DMP1: variants seen among roughly 807,000 people sequenced by gnomAD.
DMP1 encodes dentin matrix acidic phosphoprotein 1.
A neutral mutation model predicts 14.6 loss-of-function variants in DMP1; 20 were observed. The observed-to-expected ratio is 1.37, with a 90% CI of 0.96 to 1.99. The LOEUF (loss-of-function observed/expected upper bound fraction) is 1.99, where lower values mean the gene tolerates loss of function less well. Among genes scored for constraint, DMP1 ranks in the 30% most tolerant of loss-of-function variants. The probability of loss-of-function intolerance (pLI) is 0.00; values close to 1 mark genes in which losing one functional copy is unlikely to be tolerated. For missense variants in DMP1, 567 were observed against 620.5 expected (o/e 0.91, Z 0.92); for synonymous variants, 197 against 215.3 (o/e 0.91, Z 0.75).
chr4:87,650,813 G>T (rs987835334), intron 1 of DMP1, among the ~76,000 whole-genome samples: 2 of 151,886 alleles, frequency 1.3e-5, no homozygotes, highest in Admixed American at 6.6e-5. Flanking sequence ...ACTTTAAAAA[G>T]AATTTTTTTT....
chr4:87,652,980 A>T (rs1391349865), intron 1 of DMP1, among the ~76,000 whole-genome samples: 8 of 152,190 alleles, frequency 5.3e-5, no homozygotes, highest in Admixed American at 2.6e-4. Flanking sequence ...CACATTTTTT[A>T]AAAAGTTTTG....
Position 87,662,212 on chromosome 4 carries a change from A to C in DMP1, c.434A>C (p.Gln145Pro). ...GSDEDSDDTI[Q>P]ASEESAPQGQ... ...GATGAGGACTCTGATGACACCATACAAGCCAGTGAAGAGAGTGCCCCACAA... is the reference window on the plus strand; with the variant it reads ...GATGAGGACTCTGATGACACCATACCAGCCAGTGAAGAGAGTGCCCCACAA... Residue 145 changes from glutamine (Q) to proline (P), a missense_variant, in exon 6 of 6, where the codon CAA becomes CCA. Gln to Pro is a moderately conservative substitution (Grantham distance 76). Transcript: ENST00000339673. The C allele has an allele frequency of 6.2e-7, 1 of 1,614,222 alleles. No homozygotes were observed. Among genetic ancestry groups the C allele is most frequent in the Non-Finnish European group, 8.5e-7 (1 of 1,180,036 alleles).
chr4:87,660,990 T>C (rs1372872381), intron 5 of DMP1, among the ~76,000 whole-genome samples: 1 of 152,228 alleles, frequency 6.6e-6, no homozygotes, highest in Admixed American at 6.5e-5. Context: ...TGCATGAGCA[T>C]TATAAACCAA....
chr4:87,658,954 C>CA, intron 3 of DMP1: 1 of 508,668 alleles, frequency 2.0e-6, no homozygotes, highest in Non-Finnish European at 3.5e-6. Flanking sequence ...CGGCCAGGTT[C>CA]AAAAAAGCAT....
At position 87,662,192 on chromosome 4, in the gene DMP1, G is replaced by A; in HGVS notation, c.414G>A (p.Glu138=). The change falls in exon 6 of 6, where the codon GAG becomes GAA. Residue 138 remains glutamate (E), a synonymous_variant. Coordinates refer to ENST00000339673, the MANE Select transcript of DMP1 (RefSeq NM_004407.4). ...EGGNSRLGSD[E]DSDDTIQASE... is the part of the protein sequence containing the mutation. ...GAAACTCCAGACTGGGAAGTGATGA[G>A]GACTCTGATGACACCATACAAGCCA... 6.2e-7 allele frequency: 1 copy of A among 1,614,210 alleles called. No homozygotes were observed. Among genetic ancestry groups the A allele is most frequent in the South Asian group, 1.1e-5 (1 of 91,084 alleles).
chr4:87,660,445 C>T (rs1207798187), intron 5 of DMP1, among the ~76,000 whole-genome samples: 1 of 152,088 alleles, frequency 6.6e-6, no homozygotes, highest in Admixed American at 6.6e-5. Context: ...TCAGTTCCAC[C>T]ATACTAGCAT....
In DMP1 at chr4:87,663,222, A is replaced by G. The variant is rs1469544245; in HGVS notation, c.1444A>G (p.Lys482Glu). The change falls in exon 6 of 6, where the codon AAA becomes GAA. Residue 482 changes from lysine to glutamate, a missense_variant. Transcript: ENST00000339673. ...AAGCAGTGAGGAAGATGGCCAGTTG[A>G]AAAACATTGAGATAGAGAGCCGGAA... ...KSSSEEDGQLKNIEIESRKLT... is the reference protein window; with the variant it reads ...KSSSEEDGQLENIEIESRKLT... The G allele has an allele frequency of 6.2e-7, 1 of 1,614,122 alleles. No homozygotes were observed. The highest frequency in any genetic ancestry group is 1.3e-5 in the African/African-American group (1 of 74,934).
chr4:87,656,620 C>T lies in DMP1; in HGVS notation c.54+74C>T, dbSNP rs1377261610. The T allele has an allele frequency of 4.1e-6, 4 of 964,218 alleles. No homozygotes were observed. The East Asian group carries it at 7.1e-5, about 17-fold the overall frequency. 59.7% of individuals were successfully genotyped at this position (964,218 alleles called of 1,614,324 possible). A position where few individuals can be genotyped will look rare whatever the true frequency, so the allele number is the denominator to read the frequency against. The stretch of plus-strand genomic sequence containing the variant: ...CTCCACAATTTTGATTGGCTATGAA[C>T]CAAGATGGCTGTGTATGTTCCAGTC... On this transcript the variant is annotated intron_variant, in intron 2 of 5. Coordinates refer to ENST00000339673, the MANE Select transcript of DMP1 (RefSeq NM_004407.4).
rs780110476 is a variant in DMP1 at position 87,662,180 on chromosome 4, G to A, written c.402G>A (p.Leu134=). The A allele has an allele frequency of 1.2e-6, 2 of 1,614,102 alleles. No homozygotes were observed. Among genetic ancestry groups the A allele is most frequent in the African/African-American group, 1.3e-5 (1 of 74,932 alleles). Residue 134 remains leucine (L), a synonymous_variant, in exon 6 of 6, where the codon CTG becomes CTA. Coordinates refer to ENST00000339673, the MANE Select transcript of DMP1 (RefSeq NM_004407.4). ...KDRQEGGNSR[L]GSDEDSDDTI... is the part of the protein sequence containing the mutation. The stretch of plus-strand genomic sequence containing the variant: ...GACAAGAAGGAGGAAACTCCAGACT[G>A]GGAAGTGATGAGGACTCTGATGACA...
At position 87,656,520 on chromosome 4, in the gene DMP1, CT is replaced by C. The variant is rs1196038325; in HGVS notation, c.31del (p.Trp11GlyfsTer9). The C allele has an allele frequency of 1.2e-6, 2 of 1,610,608 alleles. No homozygotes were observed. Among genetic ancestry groups the C allele is most frequent in the Non-Finnish European group, 1.7e-6 (2 of 1,176,898 alleles). ...GAAGATCAGCATCCTGCTCATGTTCCTTTGGGGATTATCCTGTGCTCTCCCA... is the reference window on the plus strand; with the variant it reads ...GAAGATCAGCATCCTGCTCATGTTCCTTGGGGATTATCCTGTGCTCTCCCA... MKISILLMF[L>X]WGLSCALPVT... On this transcript the variant is annotated frameshift_variant, in exon 2 of 6. Coordinates refer to ENST00000339673, the MANE Select transcript of DMP1 (RefSeq NM_004407.4). LOFTEE classifies it high-confidence loss of function.
chr4:87,662,927 C>T lies in DMP1; in HGVS notation c.1149C>T (p.Ser383=). Reference sequence around the variant, plus strand: ...TAGAAGACCAGGAAGACAGTGACTCCAGCGAGGAGGACAGCTCGCACACAC... The same window carrying T: ...TAGAAGACCAGGAAGACAGTGACTCTAGCGAGGAGGACAGCTCGCACACAC... ...SYVEDQEDSD[S]SEEDSSHTLS... Residue 383 remains serine, a synonymous_variant, in exon 6 of 6, where the codon TCC becomes TCT. Coordinates refer to ENST00000339673, the MANE Select transcript of DMP1 (RefSeq NM_004407.4). The T allele has an allele frequency of 6.2e-7, 1 of 1,614,098 alleles. No individual in the cohort carries two copies. The highest frequency in any genetic ancestry group is 8.5e-7 in the Non-Finnish European group (1 of 1,180,010).
intron 3 of DMP1, chr4:87,658,733 A>G (rs1728770952): frequency 1.1e-5 from 2 of 174,826 alleles, no homozygotes; most frequent in South Asian, 2.5e-4. Flanking sequence ...AGACACGTGA[A>G]GTGAATTGCC....
chr4:87,654,514 G>A (rs1578151079), intron 1 of DMP1, among the ~76,000 whole-genome samples: 1 of 152,296 alleles, frequency 6.6e-6, no homozygotes, highest in African/African-American at 2.4e-5. Flanking sequence ...TGCCAAAATT[G>A]AGGATGCACC....
chr4:87,663,040 C>T lies in DMP1; in HGVS notation c.1262C>T (p.Ser421Phe). 1.9e-6 allele frequency: 3 copies of T among 1,614,152 alleles called. No homozygotes were observed. The highest frequency in any genetic ancestry group is 2.5e-6 in the Non-Finnish European group (3 of 1,180,016). The change falls in exon 6 of 6, where the codon TCC becomes TTC. Residue 421 changes from serine (S) to phenylalanine (F), a missense_variant. Coordinates refer to ENST00000339673, the MANE Select transcript of DMP1 (RefSeq NM_004407.4). ...AACTTCTCAGAGGAAAGCCCGGAGT[C>T]CCCTGAGGATGAGAACAGCTCCAGC... ...SLNFSEESPE[S>F]PEDENSSSQE...
At chr4:87,653,168 CAA>C (rs1020160451) in intron 1 of DMP1, among the ~76,000 whole-genome samples, 1 of 151,352 alleles carries the variant, frequency 6.6e-6, no homozygotes. Flanking sequence ...GAAAGTAGCA[CAA>C]ATTAAGAATA....
In DMP1 at chr4:87,662,997, G is replaced by T; in HGVS notation, c.1219G>T (p.Glu407Ter). 1 of 1,614,158 alleles carries T rather than the reference G, an allele frequency of 6.2e-7. No individual in the cohort carries two copies. The highest frequency in any genetic ancestry group is 8.5e-7 in the Non-Finnish European group (1 of 1,180,030). ...SESREEQADSESSESLNFSEE... is the reference protein window; with the variant it reads ...SESREEQADS ...ATCCAGAGAGGAGCAAGCAGACAGC[G>T]AATCCAGTGAGAGCCTCAACTTCTC... Residue 407 changes from glutamate to a stop codon, truncating the protein, a stop_gained, in exon 6 of 6, where the codon GAA becomes TAA. Transcript: ENST00000339673. LOFTEE classifies it low-confidence loss of function (END_TRUNC).
At chr4:87,657,664 A>G (rs1020754014) in intron 3 of DMP1, among the ~76,000 whole-genome samples, 2 of 152,228 alleles carry the variant, frequency 1.3e-5, no homozygotes, top group African/African-American at 4.8e-5. Flanking sequence ...CGTCTAGGTT[A>G]CATGGTCAAT....
intron 5 of DMP1, chr4:87,660,831 A>G (rs1003126609): frequency 1.3e-5 from 2 of 152,178 alleles, no homozygotes; most frequent in African/African-American, 2.4e-5. Context: ...GGTGAAGTAT[A>G]TACCTTACTA....
chr4:87,662,332 A>G lies in DMP1; in HGVS notation c.554A>G (p.Gln185Arg), dbSNP rs1397112691. Residue 185 changes from glutamine to arginine, a missense_variant, in exon 6 of 6, where the codon CAA (glutamine) becomes CGA (arginine). Coordinates refer to ENST00000339673, the MANE Select transcript of DMP1 (RefSeq NM_004407.4). ...AAGCCTGAGGGAGGTGACTCCACTC[A>G]AGAGAGTGAGAGTGAAGAGCACTGG... ...DSKPEGGDST[Q>R]ESESEEHWVG... The G allele has an allele frequency of 6.2e-7, 1 of 1,614,076 alleles. No homozygotes were observed.
Sources: allele counts gnomAD v4.1 joint callset (sites outside exome capture counted in the v4.1 genomes callset), GRCh38; gene constraint gnomAD v4.1.1; transcripts MANE v1.5; gene names NCBI Gene and HGNC (gene_info 2026-07-23, HGNC 2026-07-21).